PPM1B: variants seen among roughly 807,000 people sequenced by gnomAD.
The protein encoded by PPM1B is protein phosphatase, Mg2+/Mn2+ dependent 1B, also known as protein phosphatase 1B.
PPM1B carries 22 observed loss-of-function variants against 43.0 expected under a neutral mutation model. That is an observed-to-expected ratio of 0.51 (90% CI 0.37 to 0.73). The LOEUF (loss-of-function observed/expected upper bound fraction) is 0.73, where lower values mean the gene tolerates loss of function less well. PPM1B is among the 30% of genes least tolerant of loss of function. The pLI, the probability that PPM1B is intolerant of heterozygous loss-of-function variation, is 0.00. For missense variants in PPM1B, 632 were observed against 584.2 expected, an observed-to-expected ratio of 1.08 and a Z score of -0.84; for synonymous variants, 217 against 197.9, an observed-to-expected ratio of 1.10 and a Z score of -0.81.
At chr2:44,213,262 C>G (rs1159842355) in intron 3 of PPM1B, among the ~76,000 whole-genome samples, 2 of 150,646 alleles carry the variant, frequency 1.3e-5, no homozygotes, top group Admixed American at 6.6e-5. Context: ...TGTGGGAGGA[C>G]TTTGATATCA....
intron 5 of PPM1B, chr2:44,229,909 T>C (rs1670393804): frequency 1.2e-5 from 15 of 1,258,582 alleles, no homozygotes; most frequent in Non-Finnish European, 1.6e-5. Flanking sequence ...GTAAATACAA[T>C]TTTTATCCGT....
intron 2 of PPM1B, among the ~76,000 whole-genome samples, chr2:44,208,946 A>G (rs1290460860): frequency 1.3e-5 from 2 of 152,228 alleles, no homozygotes; most frequent in Non-Finnish European, 2.9e-5. Context: ...TATTGAAGAT[A>G]TCTTCATTTC....
intron 1 of PPM1B, among the ~76,000 whole-genome samples, chr2:44,172,413 G>A (rs1404579047): frequency 1.3e-5 from 2 of 152,146 alleles, no homozygotes; most frequent in African/African-American, 4.8e-5. Context: ...GTTTGTAGTT[G>A]GCTGTCATAA....
intron 1 of PPM1B, among the ~76,000 whole-genome samples, chr2:44,187,504 A>G (rs754305396): frequency 2.0e-5 from 3 of 152,154 alleles, no homozygotes; most frequent in African/African-American, 4.8e-5. Flanking sequence ...TACTGCTTCC[A>G]AAAGCTTTTA....
At chr2:44,195,894 C>T (rs1366272606) in intron 1 of PPM1B, among the ~76,000 whole-genome samples, 3 of 152,148 alleles carry the variant, frequency 2.0e-5, no homozygotes, top group Non-Finnish European at 4.4e-5. Context: ...TTGAAATCCT[C>T]AAACTGGAGA....
downstream of PPM1B, chr2:44,231,571 T>A: frequency 1.7e-6 from 1 of 603,856 alleles, no homozygotes. Context: ...TTATATAACA[T>A]TTAGAACACT....
Position 44,231,343 on chromosome 2 carries a change from A to T in PPM1B, c.*625A>T, listed in dbSNP as rs994656614. ...ATAACTTTTGAAAAACCTATGTATTATTCATACAGCTTTGGTTTGTATATT... is the reference window on the plus strand; with the variant it reads ...ATAACTTTTGAAAAACCTATGTATTTTTCATACAGCTTTGGTTTGTATATT... On this transcript the variant is annotated 3_prime_UTR_variant, in exon 6 of 6. Coordinates refer to ENST00000282412, the MANE Select transcript of PPM1B (RefSeq NM_002706.6). The T allele has an allele frequency of 3.1e-6, 3 of 978,742 alleles. No homozygotes were observed. In the African/African-American group the frequency reaches 5.3e-5, roughly 17 times the overall value. 60.6% of individuals were successfully genotyped at this position (978,742 alleles called of 1,614,324 possible).
chr2:44,233,895 G>C, downstream of PPM1B: 2 of 985,472 alleles, frequency 2.0e-6, no homozygotes, highest in Non-Finnish European at 1.2e-6. Flanking sequence ...GGTTTGGGGG[G>C]TTGTTAAAAG....
chr2:44,230,462 C>T lies in PPM1B; in HGVS notation c.1184C>T (p.Ala395Val). 1 of 1,614,162 alleles carries T rather than the reference C, an allele frequency of 6.2e-7. No homozygotes were observed. ...ESGSQGKLVE[A>V]LRQMRINHRG... ...GGATCACAGGGAAAATTGGTGGAAGCTCTCAGGCAAATGAGAATTAATCAT... is the reference window on the plus strand; with the variant it reads ...GGATCACAGGGAAAATTGGTGGAAGTTCTCAGGCAAATGAGAATTAATCAT... The change falls in exon 6 of 6, where the codon GCT becomes GTT. Residue 395 changes from alanine to valine, a missense_variant. Ala to Val is a moderately conservative substitution (Grantham distance 64). This residue lies in a region of PPM1B where 392 missense variants were observed against 302.7 expected (regional missense o/e 1.29). Transcript: ENST00000282412.
rs1349908299 is a variant in PPM1B at position 44,169,051 on chromosome 2, C to G, written c.-238C>G. The G allele has an allele frequency of 1.2e-5, 2 of 167,028 alleles. No homozygotes were observed. The highest frequency in any genetic ancestry group is 1.3e-5 in the Non-Finnish European group (1 of 77,482). The allele number at this position is 167,028 out of a possible 1,614,324, so 10.3% of individuals were successfully genotyped here. ...GACGAGGCTGCGGCGGAGGAGGTGGCGGCGGCCGAATCGGCAACGGCGCTA... is the reference window on the plus strand; with the variant it reads ...GACGAGGCTGCGGCGGAGGAGGTGGGGGCGGCCGAATCGGCAACGGCGCTA... On this transcript the variant is annotated 5_prime_UTR_variant, in exon 1 of 6. Transcript: ENST00000282412.
intron 3 of PPM1B, 181 bp downstream of exon 3, chr2:44,209,508 G>A (rs553824115): frequency 4.4e-5 from 29 of 659,750 alleles, no homozygotes; most frequent in Non-Finnish European, 6.4e-5. Context: ...CTGGTCAGGC[G>A]CAGTGGCTCA....
intron 1 of PPM1B, among the ~76,000 whole-genome samples, chr2:44,174,412 G>A (rs1304865036): frequency 7.9e-5 from 12 of 152,216 alleles, no homozygotes; most frequent in Admixed American, 5.2e-4. Context: ...GTGATATAGG[G>A]AGGATAAGAC....
At chr2:44,221,990 A>G (rs1187865741) in intron 5 of PPM1B, among the ~76,000 whole-genome samples, 3 of 152,142 alleles carry the variant, frequency 2.0e-5, no homozygotes, top group African/African-American at 7.2e-5. Flanking sequence ...CTTTTAAAAT[A>G]CAAATTTGTA....
At chr2:44,218,731 T>C (rs1379808556) in intron 5 of PPM1B, 194 bp downstream of exon 5, 15 of 521,616 alleles carry the variant, frequency 2.9e-5, no homozygotes, top group Non-Finnish European at 4.8e-5. Context: ...TTTTGTTTTG[T>C]AGATAGTTTT....
At position 44,201,676 on chromosome 2, in the gene PPM1B, T is replaced by A. The variant is rs768118184; in HGVS notation, c.477T>A (p.Asn159Lys). ...ATTCACGTGCTGTTCTGTATAGGAATGGACAAGTCTGCTTTTCTACCCAGG... is the reference window on the plus strand; with the variant it reads ...ATTCACGTGCTGTTCTGTATAGGAAAGGACAAGTCTGCTTTTCTACCCAGG... ...CGDSRAVLYR[N>K]GQVCFSTQDH... The change falls in exon 2 of 6, where the codon AAT (asparagine) becomes AAA (lysine). Residue 159 changes from asparagine to lysine, a missense_variant. Around this residue, in one of 3 missense-constraint regions of PPM1B, gnomAD observed 200 missense variants for 200.7 expected, o/e 1.00. Transcript: ENST00000282412. The surrounding 1 kb of genome is among the most constrained non-coding windows in gnomAD (Gnocchi z 5.4). 1.1e-5 allele frequency: 18 copies of A among 1,614,240 alleles called. No individual in the cohort carries two copies. The highest frequency in any genetic ancestry group is 1.4e-5 in the Non-Finnish European group (17 of 1,180,038).
intron 1 of PPM1B, among the ~76,000 whole-genome samples, chr2:44,198,349 C>T (rs1330368409): frequency 6.6e-6 from 1 of 151,980 alleles, no homozygotes; most frequent in Non-Finnish European, 1.5e-5. Flanking sequence ...TTAATAGAGA[C>T]GAGGTTTCAC....
At chr2:44,219,041 A>T (rs1305233030) in intron 5 of PPM1B, 1 of 306,950 alleles carries the variant, frequency 3.3e-6, no homozygotes, top group East Asian at 1.1e-4. Flanking sequence ...TTGAGCTGAG[A>T]TAACCATTTC....
intron 5 of PPM1B, among the ~76,000 whole-genome samples, chr2:44,222,322 A>C (rs1572747184): frequency 6.6e-6 from 1 of 152,164 alleles, no homozygotes; most frequent in Non-Finnish European, 1.5e-5. Context: ...AATTTTCTTA[A>C]GGCTGTCCTT....
downstream of PPM1B, chr2:44,233,553 ATGT>A: frequency 2.0e-6 from 2 of 985,752 alleles, no homozygotes; most frequent in Non-Finnish European, 2.4e-6. Context: ...CATGGTTTAC[ATGT>A]TGTGGATGCT....
Sources: allele counts gnomAD v4.1 joint callset (sites outside exome capture counted in the v4.1 genomes callset), GRCh38; gene constraint gnomAD v4.1.1; regional missense constraint gnomAD v4.1.1; non-coding constraint Gnocchi (gnomAD v3.1); transcripts MANE v1.5; gene names NCBI Gene and HGNC (gene_info 2026-07-23, HGNC 2026-07-21).